The following NAT10 variants were observed in gnomAD, a reference collection of about 807,000 sequenced individuals.
NAT10 encodes N-acetyltransferase 10.
NAT10 carries 109 observed loss-of-function variants against 132.2 expected under a neutral mutation model. The observed-to-expected ratio is 0.82, with a 90% CI of 0.71 to 0.97. NAT10 has a LOEUF of 0.97. Among genes scored for constraint, NAT10 ranks in the 50% least tolerant of loss-of-function variants. The pLI, the probability that NAT10 is intolerant of heterozygous loss-of-function variation, is 0.00. For missense variants in NAT10, 1,184 were observed against 1,263.4 expected, an observed-to-expected ratio of 0.94 and a Z score of 0.95; for synonymous variants, 479 against 478.0, an observed-to-expected ratio of 1.00 and a Z score of -0.03.
intron 4 of NAT10, among the ~76,000 whole-genome samples, 175 bp from the exon 5 acceptor site, chr11:34,113,541 G>T (rs553463004): frequency 1.8e-4 from 27 of 148,544 alleles, no homozygotes; most frequent in African/African-American, 6.2e-4. Flanking sequence ...GGTGGCTCAT[G>T]CCTGTAATCC....
chr11:34,145,451 C>T (rs1160474021), intron 28 of NAT10, among the ~76,000 whole-genome samples: 1 of 152,072 alleles, frequency 6.6e-6, no homozygotes. Context: ...AGTATTTGTT[C>T]CCAGAGCAAA....
chr11:34,109,279 GC>G (rs1397906210), intron 3 of NAT10, among the ~76,000 whole-genome samples: 2 of 151,906 alleles, frequency 1.3e-5, no homozygotes, highest in African/African-American at 4.8e-5. Context: ...TCCTCTGCTG[GC>G]CACCCAATAC....
intron 6 of NAT10, among the ~76,000 whole-genome samples, chr11:34,117,183 A>G (rs1302093983): frequency 6.6e-6 from 1 of 151,940 alleles, no homozygotes; most frequent in Non-Finnish European, 1.5e-5. Flanking sequence ...TGTTTAACTG[A>G]TTGTTTCCCA....
intron 12 of NAT10, among the ~76,000 whole-genome samples, chr11:34,129,994 AG>A (rs1852076455): frequency 6.6e-6 from 1 of 152,188 alleles, no homozygotes; most frequent in Non-Finnish European, 1.5e-5. Flanking sequence ...ATAAATAAAT[AG>A]GATACTTTTG....
chr11:34,124,252 G>A (rs371829720), intron 10 of NAT10, 50 bp from the exon 11 acceptor site: 1 of 1,234,688 alleles, frequency 8.1e-7, no homozygotes, highest in African/African-American at 1.5e-5. Flanking sequence ...ATAATATTTA[G>A]TTTCTGAAAC....
At chr11:34,132,252 A>T (rs1190649313) in intron 15 of NAT10, 31 bp downstream of exon 15, 2 of 1,548,692 alleles carry the variant, frequency 1.3e-6, no homozygotes, top group Non-Finnish European at 1.8e-6. Context: ...TGTGAATGGT[A>T]GCAGGGAGCT....
chr11:34,136,158 T>G (rs559493558), intron 19 of NAT10, among the ~76,000 whole-genome samples: 1 of 151,610 alleles, frequency 6.6e-6, no homozygotes, highest in Non-Finnish European at 1.5e-5. Flanking sequence ...CTCAGCTCAC[T>G]GCAACCTCTG....
Position 34,115,901 on chromosome 11 carries a change from C to G in NAT10, c.557+17C>G. The G allele has an allele frequency of 6.2e-7, 1 of 1,613,222 alleles. No individual in the cohort carries two copies. The highest frequency in any genetic ancestry group is 8.5e-7 in the Non-Finnish European group (1 of 1,179,530). ...TAATGAAAGGTAATTCTATAGTTCC[C>G]CCCAATTGTGGGGCAGCCACATTGG... is the stretch of plus-strand genomic sequence containing the variant. On this transcript the variant is annotated intron_variant, in intron 6 of 28. Transcript: ENST00000257829.
chr11:34,118,710 C>G (rs1851830694), intron 8 of NAT10, among the ~76,000 whole-genome samples: 1 of 152,110 alleles, frequency 6.6e-6, no homozygotes, highest in African/African-American at 2.4e-5. Flanking sequence ...ATTACCTCCC[C>G]CTAGTCAGGC....
intron 11 of NAT10, among the ~76,000 whole-genome samples, chr11:34,126,639 A>T (rs1324218449): frequency 1.3e-5 from 2 of 152,204 alleles, no homozygotes; most frequent in East Asian, 3.8e-4. Flanking sequence ...AGACCTCATC[A>T]ACTCTGGATG....
In NAT10 at chr11:34,130,810, T is replaced by G; in HGVS notation, c.1245-3T>G. 6.2e-7 allele frequency: 1 copy of G among 1,613,990 alleles called. No individual in the cohort carries two copies. Among genetic ancestry groups the G allele is most frequent in the Non-Finnish European group, 8.5e-7 (1 of 1,179,904 alleles). Reference sequence around the variant, plus strand: ...GCCTGATTCCTTTTGCCTTTGTTTCTAGCTATGAGGGCACTGGCCGGTCAC... The same window carrying G: ...GCCTGATTCCTTTTGCCTTTGTTTCGAGCTATGAGGGCACTGGCCGGTCAC... On this transcript the variant is annotated splice_region_variant and splice_polypyrimidine_tract_variant and intron_variant, in intron 12 of 28. Transcript: ENST00000257829.
intron 1 of NAT10, 64 bp from the exon 2 acceptor site, chr11:34,108,147 C>A: frequency 8.9e-7 from 1 of 1,122,698 alleles, no homozygotes; most frequent in South Asian, 1.3e-5. Flanking sequence ...CCACAAAAGG[C>A]AGCCAGCTAA....
Position 34,141,408 on chromosome 11 carries a change from T to TCTCACACACACA in NAT10, c.2712+201_2712+202insTCACACACACAC, listed in dbSNP as rs72268617. On this transcript the variant is annotated intron_variant, in intron 25 of 28. Transcript: ENST00000257829. ...TGTGTTTGCTGCATCTCATCACACATCACACACACACACACACACACACAC... is the reference window on the plus strand; with the variant it reads ...TGTGTTTGCTGCATCTCATCACACATCTCACACACACACACACACACACACACACACACACAC... Among the ~76,000 whole-genome samples the TCTCACACACACA allele has an allele frequency of 6.8e-5, 9 of 132,962 alleles. 1 individual carries two copies. The East Asian group carries it at 1.7e-3, about 25-fold the overall frequency. The allele number at this position is 132,962 out of a possible 152,430, so 87.2% of individuals were successfully genotyped here.
At chr11:34,118,068 T>G in intron 6 of NAT10, 112 bp from the exon 7 acceptor site, 1 of 815,954 alleles carries the variant, frequency 1.2e-6, no homozygotes, top group South Asian at 1.7e-5. Context: ...TAGCTTTTTC[T>G]GGCTTTCTTA....
intron 9 of NAT10, 54 bp downstream of exon 9, chr11:34,122,646 G>T (rs1590767945): frequency 1.2e-6 from 2 of 1,600,256 alleles, no homozygotes; most frequent in South Asian, 2.2e-5. Context: ...TGGGGGTAGT[G>T]TGCAGGGTTG....
intron 15 of NAT10, among the ~76,000 whole-genome samples, chr11:34,132,470 A>T (rs1453434916): frequency 6.6e-6 from 1 of 150,716 alleles, no homozygotes; most frequent in African/African-American, 2.4e-5. Context: ...TACTAAACTG[A>T]TAGGATGAGG....
intron 21 of NAT10, among the ~76,000 whole-genome samples, chr11:34,137,584 G>A (rs905429096): frequency 6.6e-6 from 1 of 152,204 alleles, no homozygotes; most frequent in Non-Finnish European, 1.5e-5. Context: ...CACTGCAGGA[G>A]GGCACGGAGC....
rs1440776738 is a variant in NAT10 at position 34,118,301 on chromosome 11, CTG to C, written c.672+10_672+11del. On this transcript the variant is annotated splice_region_variant and intron_variant, in intron 7 of 28. Transcript: ENST00000257829. The stretch of plus-strand genomic sequence containing the variant: ...CCTGCCTCCCCAGACTCCGGTGAGT[CTG>C]TGCTGGGGTCCAGGAATCTGGGGGA... 2 of 1,613,392 alleles carry C rather than the reference CTG, an allele frequency of 1.2e-6. No homozygotes were observed. The highest frequency in any genetic ancestry group is 1.1e-5 in the South Asian group (1 of 91,068).
At chr11:34,108,411 C>A in intron 2 of NAT10, 78 bp downstream of exon 2, 1 of 1,180,468 alleles carries the variant, frequency 8.5e-7, no homozygotes, top group Non-Finnish European at 1.3e-6. Flanking sequence ...TCTGCTGTTT[C>A]AGGACATAAT....
Sources: allele counts gnomAD v4.1 joint callset (sites outside exome capture counted in the v4.1 genomes callset), GRCh38; gene constraint gnomAD v4.1.1; transcripts MANE v1.5; gene names NCBI Gene and HGNC (gene_info 2026-07-23, HGNC 2026-07-21).